GABBR2: variants seen among roughly 807,000 people sequenced by gnomAD.
GABBR2 encodes gamma-aminobutyric acid type B receptor subunit 2.
Under a neutral mutation model 105.6 loss-of-function variants are expected in GABBR2, and 23 were observed. The ratio of observed to expected loss-of-function variants is 0.22; its 90% CI spans 0.16 to 0.31. The LOEUF (loss-of-function observed/expected upper bound fraction) is 0.31. GABBR2 is among the 10% of genes least tolerant of loss of function. The pLI is 1.00. For synonymous variants in GABBR2, 478 were observed against 499.7 expected (o/e 0.96, Z 0.58); for missense variants, 734 against 1,245.5 (o/e 0.59, Z 6.18).
chr9:98,533,316 C>T (rs188424687), intron 3 of GABBR2, among the ~76,000 whole-genome samples: 8 of 152,204 alleles, frequency 5.3e-5, no homozygotes, highest in East Asian at 1.9e-4. Flanking sequence ...TAGAATCATC[C>T]GTCATTCCCT....
At chr9:98,705,671 G>A (rs766729994) in intron 1 of GABBR2, among the ~76,000 whole-genome samples, 16 of 152,318 alleles carry the variant, frequency 1.1e-4, no homozygotes, top group Admixed American at 5.2e-4. Flanking sequence ...TCTTTAGATC[G>A]CTCTAGATTT....
chr9:98,466,551 G>A (rs947877775), intron 6 of GABBR2, among the ~76,000 whole-genome samples: 1 of 152,144 alleles, frequency 6.6e-6, no homozygotes, highest in African/African-American at 2.4e-5. Context: ...CTACCCCTAA[G>A]GTTCCTATCC....
intron 1 of GABBR2, among the ~76,000 whole-genome samples, chr9:98,581,351 G>T (rs1829000663): frequency 6.6e-6 from 1 of 152,184 alleles, no homozygotes; most frequent in African/African-American, 2.4e-5. Context: ...AAGGCTTAGA[G>T]CTCTCAACAT....
chr9:98,423,681 A>G (rs1170214621), intron 7 of GABBR2, among the ~76,000 whole-genome samples: 1 of 152,208 alleles, frequency 6.6e-6, no homozygotes, highest in African/African-American at 2.4e-5. Flanking sequence ...GTCCTTGCCC[A>G]TGCCTATGTC....
chr9:98,627,527 C>A (rs1267822012), intron 1 of GABBR2, among the ~76,000 whole-genome samples: 1 of 152,206 alleles, frequency 6.6e-6, no homozygotes, highest in Non-Finnish European at 1.5e-5. Context: ...AAGCTGTCCC[C>A]ACTCGGGTCT....
intron 1 of GABBR2, among the ~76,000 whole-genome samples, chr9:98,679,550 T>C (rs957211557): frequency 4.6e-5 from 7 of 152,190 alleles, no homozygotes; most frequent in Non-Finnish European, 1.0e-4. Context: ...TCAAGAATAT[T>C]TGTTGAATGG....
At chr9:98,589,710 T>TA (rs1829121179) in intron 1 of GABBR2, among the ~76,000 whole-genome samples, 2 of 140,586 alleles carry the variant, frequency 1.4e-5, no homozygotes, top group South Asian at 4.6e-4. Context: ...AGTTTGGCTG[T>TA]CTTTTTTTTT....
chr9:98,685,761 T>C (rs1350875480), intron 1 of GABBR2, among the ~76,000 whole-genome samples: 2 of 152,196 alleles, frequency 1.3e-5, no homozygotes, highest in African/African-American at 4.8e-5. Context: ...GGCACCATCA[T>C]AGCTTACTGT....
At chr9:98,593,800 G>A (rs147416686) in intron 1 of GABBR2, among the ~76,000 whole-genome samples, 213 of 152,260 alleles carry the variant, frequency 1.4e-3, no homozygotes, top group African/African-American at 3.8e-3. Flanking sequence ...CCCCGTCACC[G>A]TGGCCACACT....
In GABBR2 at chr9:98,682,847, A is replaced by C. The variant is rs1206158778; in HGVS notation, c.321+25570T>G. Among the ~76,000 whole-genome samples, 4 of 152,030 alleles carry C rather than the reference A, an allele frequency of 2.6e-5. No homozygotes were observed. The East Asian group carries it at 7.7e-4, about 29-fold the overall frequency. ...TGATAAACAAAGAAATGCAAAGTGA[A>C]AGTTTATCAACTGCCCAATTGACAG... On this transcript the variant is annotated intron_variant, in intron 1 of 18. Coordinates refer to ENST00000259455, the MANE Select transcript of GABBR2 (RefSeq NM_005458.8).
chr9:98,342,295 G>C (rs1274861042), intron 13 of GABBR2, among the ~76,000 whole-genome samples: 1 of 152,118 alleles, frequency 6.6e-6, no homozygotes, highest in African/African-American at 2.4e-5. Flanking sequence ...CAGGCATAGA[G>C]GAAGAGAGTG....
chr9:98,375,614 C>T lies in GABBR2; in HGVS notation c.1663-4043G>A, dbSNP rs537248241. Reference sequence around the variant, plus strand: ...CTGAGCAAGCAAATTAAAGGAAGACCACAGAGAGAACTGGAGCATTTGATA... The same window carrying T: ...CTGAGCAAGCAAATTAAAGGAAGACTACAGAGAGAACTGGAGCATTTGATA... On this transcript the variant is annotated intron_variant, in intron 11 of 18. Transcript: ENST00000259455. Among the ~76,000 whole-genome samples, 9 of 152,310 alleles carry T rather than the reference C, an allele frequency of 5.9e-5. No homozygotes were observed. The East Asian group carries it at 1.3e-3, about 23-fold the overall frequency.
At chr9:98,627,655 T>C (rs1305700431) in intron 1 of GABBR2, among the ~76,000 whole-genome samples, 2 of 152,238 alleles carry the variant, frequency 1.3e-5, no homozygotes, top group Non-Finnish European at 2.9e-5. Context: ...AGGTGACAGA[T>C]GAGCACCCAT....
intron 2 of GABBR2, among the ~76,000 whole-genome samples, chr9:98,543,096 C>A (rs1828335342): frequency 6.6e-6 from 1 of 152,000 alleles, no homozygotes; most frequent in Admixed American, 6.6e-5. Flanking sequence ...ATTATTTCTT[C>A]TTTTTCTTTT....
intron 9 of GABBR2, among the ~76,000 whole-genome samples, chr9:98,389,928 C>T (rs963864798): frequency 3.9e-5 from 6 of 152,086 alleles, no homozygotes; most frequent in African/African-American, 1.4e-4. Context: ...AGTAGCCAAG[C>T]CTGGGAATCT....
At chr9:98,350,235 T>C (rs1236789540) in intron 13 of GABBR2, among the ~76,000 whole-genome samples, 3 of 151,798 alleles carry the variant, frequency 2.0e-5, no homozygotes, top group African/African-American at 7.3e-5. Flanking sequence ...TTTTAGCCTC[T>C]ATTTCATTTA....
At chr9:98,488,450 A>G (rs1827105493) in intron 4 of GABBR2, among the ~76,000 whole-genome samples, 1 of 152,354 alleles carries the variant, frequency 6.6e-6, no homozygotes, top group East Asian at 1.9e-4. Context: ...TCACTCAAAA[A>G]AGAAAGCCAA....
At chr9:98,445,499 A>G (rs771020365) in intron 7 of GABBR2, among the ~76,000 whole-genome samples, 1 of 152,268 alleles carries the variant, frequency 6.6e-6, no homozygotes, top group East Asian at 1.9e-4. Flanking sequence ...AAAGCCTAGG[A>G]CAGGGAATCA....
chr9:98,435,613 A>G (rs1185296383), intron 7 of GABBR2, among the ~76,000 whole-genome samples: 2 of 152,196 alleles, frequency 1.3e-5, no homozygotes, highest in Non-Finnish European at 2.9e-5. Context: ...CACTGGTCTT[A>G]GTATAACATG....
Sources: gnomAD v4.1 joint callset for allele counts (sites outside exome capture counted in the v4.1 genomes callset) on GRCh38, gnomAD v4.1.1 for gene constraint, MANE v1.5 for transcripts, NCBI Gene and HGNC (gene_info 2026-07-23, HGNC 2026-07-21) for gene names.